The following RAB27B variants were observed in gnomAD, a reference collection of about 807,000 sequenced individuals.
RAB27B encodes the protein RAB27B, member RAS oncogene family.
Under a neutral mutation model 24.6 loss-of-function variants are expected in RAB27B, and 15 were observed. That is an observed-to-expected ratio of 0.61 (90% confidence interval 0.41 to 0.94). The LOEUF (loss-of-function observed/expected upper bound fraction) is 0.94, where lower values mean the gene tolerates loss of function less well. Ranked by LOEUF, RAB27B falls within the 40% of genes least tolerant of loss-of-function variation. The probability of loss-of-function intolerance (pLI) is 0.00; values close to 1 mark genes in which losing one functional copy is unlikely to be tolerated. For missense variants in RAB27B, 261 were observed against 266.8 expected (o/e 0.98, Z 0.15); for synonymous variants, 105 against 92.5 (o/e 1.14, Z -0.78).
At chr18:54,830,957 A>C (rs1910650306) in intron 1 of RAB27B, among the ~76,000 whole-genome samples, 1 of 152,234 alleles carries the variant, frequency 6.6e-6, no homozygotes. Flanking sequence ...TCATTTGTTC[A>C]ACAAATATTT....
At chr18:54,882,801 G>T (rs1467649198) in intron 3 of RAB27B, among the ~76,000 whole-genome samples, 2 of 152,288 alleles carry the variant, frequency 1.3e-5, no homozygotes, top group South Asian at 4.1e-4. Context: ...AGCCTTGCCA[G>T]CTTTGTAAGG....
chr18:54,862,441 A>G (rs190189761), intron 1 of RAB27B, among the ~76,000 whole-genome samples: 1 of 152,344 alleles, frequency 6.6e-6, no homozygotes, highest in East Asian at 1.9e-4. Flanking sequence ...AATTATTAAT[A>G]GATAAATGGG....
At chr18:54,798,205 G>T (rs1909485297) in intron 2 of RAB27B, among the ~76,000 whole-genome samples, 2 of 152,124 alleles carry the variant, frequency 1.3e-5, no homozygotes, top group South Asian at 4.2e-4. Context: ...TCACAAGCCT[G>T]GGAAGCAGCC....
At chr18:54,884,221 C>T (rs1236177464) in intron 3 of RAB27B, 112 bp from the exon 4 acceptor site, 1 of 630,592 alleles carries the variant, frequency 1.6e-6, no homozygotes, top group Non-Finnish European at 2.8e-6. Context: ...CTAAGATATT[C>T]CATAAGGGCC....
chr18:54,723,153 A>G (rs1909414754), intron 2 of RAB27B, among the ~76,000 whole-genome samples: 1 of 152,250 alleles, frequency 6.6e-6, no homozygotes, highest in African/African-American at 2.4e-5. Context: ...GTTCAGAACC[A>G]GGAAAGAGCA....
At chr18:54,758,572 A>G (rs2145045896) in intron 2 of RAB27B, among the ~76,000 whole-genome samples, 1 of 151,926 alleles carries the variant, frequency 6.6e-6, no homozygotes, top group Non-Finnish European at 1.5e-5. Context: ...ATGGCTTTTA[A>G]AGGTTGTGCA....
At chr18:54,849,190 G>T (rs1201684699) in intron 1 of RAB27B, among the ~76,000 whole-genome samples, 1 of 152,202 alleles carries the variant, frequency 6.6e-6, no homozygotes. Flanking sequence ...GTACACTCGG[G>T]CTAGAGAGAT....
chr18:54,832,916 A>T (rs2145186970), intron 1 of RAB27B, among the ~76,000 whole-genome samples: 1 of 152,338 alleles, frequency 6.6e-6, no homozygotes, highest in Non-Finnish European at 1.5e-5. Context: ...TGAAAATAGC[A>T]TTTCACCTAA....
At chr18:54,781,344 C>T (rs1170241173) in intron 2 of RAB27B, among the ~76,000 whole-genome samples, 1 of 151,872 alleles carries the variant, frequency 6.6e-6, no homozygotes, top group Non-Finnish European at 1.5e-5. Flanking sequence ...GAGAATGGAG[C>T]CTATCTCTGA....
At chr18:54,801,735 C>T (rs1425760404) in intron 2 of RAB27B, among the ~76,000 whole-genome samples, 6 of 152,200 alleles carry the variant, frequency 3.9e-5, no homozygotes, top group Non-Finnish European at 7.3e-5. Context: ...TATAACCAGC[C>T]ATTGCCACAG....
At chr18:54,775,850 G>T (rs1908697432) in intron 2 of RAB27B, among the ~76,000 whole-genome samples, 1 of 152,162 alleles carries the variant, frequency 6.6e-6, no homozygotes, top group Non-Finnish European at 1.5e-5. Context: ...CTCATGGTCA[G>T]CCTCGGCACA....
chr18:54,758,725 T>G (rs1908087624), intron 2 of RAB27B, among the ~76,000 whole-genome samples: 1 of 151,918 alleles, frequency 6.6e-6, no homozygotes, highest in Non-Finnish European at 1.5e-5. Flanking sequence ...ATGAATAACT[T>G]GCTCTCAGAA....
At chr18:54,774,164 C>T (rs1908644635) in intron 2 of RAB27B, among the ~76,000 whole-genome samples, 1 of 152,192 alleles carries the variant, frequency 6.6e-6, no homozygotes. Flanking sequence ...ACTCTACCTC[C>T]TCCAACAAGT....
intron 1 of RAB27B, among the ~76,000 whole-genome samples, chr18:54,855,206 G>A (rs1218895465): frequency 6.6e-6 from 1 of 152,146 alleles, no homozygotes; most frequent in Non-Finnish European, 1.5e-5. Flanking sequence ...TGCTGCTGCT[G>A]ATCTGACAGG....
At chr18:54,776,379 T>C (rs375390105) in intron 2 of RAB27B, among the ~76,000 whole-genome samples, 63 of 152,366 alleles carry the variant, frequency 4.1e-4, no homozygotes, top group African/African-American at 1.5e-3. Context: ...TGAGTATTAC[T>C]GAGCCCTGCG....
intron 2 of RAB27B, among the ~76,000 whole-genome samples, chr18:54,792,266 G>A (rs1341814825): frequency 1.3e-5 from 2 of 152,106 alleles, no homozygotes; most frequent in East Asian, 3.9e-4. Context: ...GAGCAGCGGG[G>A]TACTGAAGAA....
chr18:54,843,784 A>C (rs1911211605), intron 1 of RAB27B, among the ~76,000 whole-genome samples: 1 of 152,212 alleles, frequency 6.6e-6, no homozygotes, highest in South Asian at 2.1e-4. Flanking sequence ...TGTTAATATA[A>C]AGTCTTTTCT....
intron 2 of RAB27B, among the ~76,000 whole-genome samples, chr18:54,718,747 T>TGATA (rs1401249992): frequency 6.6e-5 from 10 of 152,204 alleles, no homozygotes; most frequent in Non-Finnish European, 2.9e-5. Flanking sequence ...TGATTATGCA[T>TGATA]GATAAGAGAG....
chr18:54,719,245 G>C (rs1909285407), intron 2 of RAB27B, among the ~76,000 whole-genome samples: 2 of 151,996 alleles, frequency 1.3e-5, no homozygotes, highest in South Asian at 4.1e-4. Context: ...TTGATATATT[G>C]AAATATCCTA....
Sources: gnomAD v4.1 joint callset for allele counts (sites outside exome capture counted in the v4.1 genomes callset) on GRCh38, gnomAD v4.1.1 for gene constraint, MANE v1.5 for transcripts, NCBI Gene and HGNC (gene_info 2026-07-23, HGNC 2026-07-21) for gene names.